The following FSCN1 variants were observed in gnomAD, a reference collection of about 807,000 sequenced individuals.
FSCN1 encodes the protein fascin actin-bundling protein 1, also known as fascin.
FSCN1 carries 10 observed loss-of-function variants against 39.7 expected under a neutral mutation model. The observed-to-expected ratio is 0.25, with a 90% CI of 0.16 to 0.43. The LOEUF is 0.43. Ranked by LOEUF, FSCN1 falls within the 20% of genes least tolerant of loss-of-function variation. The pLI is 1.00. For synonymous variants in FSCN1, 322 were observed against 320.0 expected (o/e 1.01, Z -0.07); for missense variants, 525 against 723.8 (o/e 0.73, Z 3.15).
At position 5,592,852 on chromosome 7, in the gene FSCN1, G is replaced by A. The variant is rs1380962767; in HGVS notation, c.-85G>A. The A allele has an allele frequency of 5.1e-6, 4 of 780,540 alleles. No individual in the cohort carries two copies. The highest frequency in any genetic ancestry group is 2.9e-5 in the East Asian group (1 of 34,138). The allele number at this position is 780,540 out of a possible 1,614,324, so 48.4% of individuals were successfully genotyped here. A position where few individuals can be genotyped will look rare whatever the true frequency, so the allele number is the denominator to read the frequency against. ...CGGAGGGTGCGTGCGGGCCGCGGCA[G>A]CCGAACAAAGGAGCAGGGGCGCCGC... On this transcript the variant is annotated 5_prime_UTR_variant, in exon 1 of 5. Coordinates refer to ENST00000382361, the MANE Select transcript of FSCN1 (RefSeq NM_003088.4). The surrounding 1 kb of genome is among the most constrained non-coding windows in gnomAD (Gnocchi z 5.3).
At position 5,592,855 on chromosome 7, in the gene FSCN1, G is replaced by C; in HGVS notation, c.-82G>C. The C allele has an allele frequency of 1.2e-6, 1 of 827,552 alleles. No homozygotes were observed. The allele number at this position is 827,552 out of a possible 1,614,324, so 51.3% of individuals were successfully genotyped here. Reference sequence around the variant, plus strand: ...AGGGTGCGTGCGGGCCGCGGCAGCCGAACAAAGGAGCAGGGGCGCCGCCGC... The same window carrying C: ...AGGGTGCGTGCGGGCCGCGGCAGCCCAACAAAGGAGCAGGGGCGCCGCCGC... On this transcript the variant is annotated 5_prime_UTR_variant, in exon 1 of 5. Coordinates refer to ENST00000382361, the MANE Select transcript of FSCN1 (RefSeq NM_003088.4). This position sits in a 1 kb window ranked among gnomAD's most constrained non-coding sequence, Gnocchi z 5.3.
At position 5,593,291 on chromosome 7, in the gene FSCN1, C is replaced by A. The variant is rs768500272; in HGVS notation, c.355C>A (p.Leu119Met). ...CTACTTCGGCGGCACCGAGGACCGC[C>A]TGTCCTGCTTCGCGCAGACGGTGTC... ...RRYFGGTEDR[L>M]SCFAQTVSPA... The change falls in exon 1 of 5, where the codon CTG becomes ATG. Residue 119 changes from leucine to methionine, a missense_variant. By Grantham distance (15) the Leu-to-Met change is conservative. Coordinates refer to ENST00000382361, the MANE Select transcript of FSCN1 (RefSeq NM_003088.4). The A allele has an allele frequency of 2.5e-6, 4 of 1,610,554 alleles. No individual in the cohort carries two copies. In the Admixed American group the frequency reaches 6.7e-5, roughly 27 times the overall value.
At chr7:5,601,468 G>A (rs1785831048) in intron 1 of FSCN1, among the ~76,000 whole-genome samples, 2 of 152,136 alleles carry the variant, frequency 1.3e-5, no homozygotes, top group South Asian at 4.1e-4. Context: ...TTCCCAAAGT[G>A]CTGGGATTAC....
Position 5,595,080 on chromosome 7 carries a change from T to G in FSCN1, c.832+1312T>G, listed in dbSNP as rs577073727. Among the ~76,000 whole-genome samples, 3 of 152,174 alleles carry G rather than the reference T, an allele frequency of 2.0e-5. No individual in the cohort carries two copies. The East Asian group carries it at 5.8e-4, about 29-fold the overall frequency. On this transcript the variant is annotated intron_variant, in intron 1 of 4. Transcript: ENST00000382361. ...GGGATCTTTTTCCCTGGATAGGAAG[T>G]CGGACCCCAGGCCTTGGAGATGGCT...
chr7:5,604,086 T>C, intron 4 of FSCN1, 56 bp downstream of exon 4: 1 of 1,554,460 alleles, frequency 6.4e-7, no homozygotes, highest in Non-Finnish European at 8.8e-7. Context: ...GGGGCTGGGG[T>C]CAGTGCTGCG....
intron 1 of FSCN1, among the ~76,000 whole-genome samples, chr7:5,602,573 A>C (rs989647002): frequency 2.6e-4 from 39 of 152,228 alleles, no homozygotes; most frequent in African/African-American, 9.4e-4. Context: ...TTCTAAAAAA[A>C]CGAGGCCATT....
Position 5,593,048 on chromosome 7 carries a change from A to C in FSCN1, c.112A>C (p.Ser38Arg). 6.2e-7 allele frequency: 1 copy of C among 1,602,322 alleles called. No homozygotes were observed. The highest frequency in any genetic ancestry group is 8.5e-7 in the Non-Finnish European group (1 of 1,175,326). ...AFGFKVNASASSLKKKQIWTL... is the reference protein window; with the variant it reads ...AFGFKVNASARSLKKKQIWTL... ...CGGGTTCAAGGTGAACGCGTCCGCC[A>C]GCAGCCTGAAGAAGAAGCAGATCTG... Residue 38 changes from serine (S) to arginine (R), a missense_variant, in exon 1 of 5, where the codon AGC (serine) becomes CGC (arginine). Ser to Arg is a moderately radical substitution (Grantham distance 110). Coordinates refer to ENST00000382361, the MANE Select transcript of FSCN1 (RefSeq NM_003088.4).
At chr7:5,596,141 G>A (rs1207053411) in intron 1 of FSCN1, among the ~76,000 whole-genome samples, 1 of 151,330 alleles carries the variant, frequency 6.6e-6, no homozygotes, top group Non-Finnish European at 1.5e-5. Flanking sequence ...GGGAACTGGA[G>A]TCTGCAGGGG....
Position 5,593,552 on chromosome 7 carries a change from C to T in FSCN1, c.616C>T (p.Pro206Ser). ...LRHDGRLVAR[P>S]EPATGYTLEF... ...CCACGACGGGCGCCTGGTGGCGCGC[C>T]CCGAGCCGGCCACTGGCTACACGCT... The change falls in exon 1 of 5, where the codon CCC (proline) becomes TCC (serine). Residue 206 changes from proline to serine, a missense_variant. Physicochemically the swap from Pro to Ser is moderately conservative, Grantham distance 74. This residue lies in a region of FSCN1 where 246 missense variants were observed against 350.6 expected (regional missense o/e 0.70). Coordinates refer to ENST00000382361, the MANE Select transcript of FSCN1 (RefSeq NM_003088.4). The T allele has an allele frequency of 6.3e-7, 1 of 1,587,564 alleles. No individual in the cohort carries two copies. The highest frequency in any genetic ancestry group is 2.3e-5 in the East Asian group (1 of 43,924).
At chr7:5,598,063 C>A (rs906352999) in intron 1 of FSCN1, among the ~76,000 whole-genome samples, 1 of 152,234 alleles carries the variant, frequency 6.6e-6, no homozygotes, top group African/African-American at 2.4e-5. Context: ...GGGGACGACA[C>A]CCCTTTCCCC....
intron 1 of FSCN1, among the ~76,000 whole-genome samples, chr7:5,602,664 G>T (rs1304363318): frequency 6.6e-6 from 1 of 152,060 alleles, no homozygotes; most frequent in East Asian, 1.9e-4. Context: ...CTCCTGATTG[G>T]CTCAAGAATG....
At chr7:5,601,067 G>C (rs1447953974) in intron 1 of FSCN1, among the ~76,000 whole-genome samples, 1 of 151,802 alleles carries the variant, frequency 6.6e-6, no homozygotes, top group Admixed American at 6.6e-5. Flanking sequence ...GGGATTACAG[G>C]TGTGGGCCAC....
chr7:5,593,317 C>T lies in FSCN1; in HGVS notation c.381C>T (p.Ser127=), dbSNP rs766608370. 1.2e-6 allele frequency: 2 copies of T among 1,611,362 alleles called. No homozygotes were observed. The highest frequency in any genetic ancestry group is 2.2e-5 in the South Asian group (2 of 90,992). ...DRLSCFAQTV[S]PAEKWSVHIA... ...TGTCCTGCTTCGCGCAGACGGTGTC[C>T]CCCGCCGAGAAGTGGAGCGTGCACA... The change falls in exon 1 of 5, where the codon TCC becomes TCT. Residue 127 remains serine, a synonymous_variant. Transcript: ENST00000382361.
chr7:5,602,949 A>T (rs188337812), intron 1 of FSCN1: 1 of 405,402 alleles, frequency 2.5e-6, no homozygotes, highest in Admixed American at 4.0e-5. Context: ...GACTCAAACA[A>T]TCCTCCTGCC....
intron 1 of FSCN1, among the ~76,000 whole-genome samples, chr7:5,598,398 G>A (rs1785768585): frequency 1.3e-5 from 2 of 152,232 alleles, no homozygotes; most frequent in African/African-American, 4.8e-5. Flanking sequence ...CTTGGGGGAT[G>A]AGGTTAGTGT....
In FSCN1 at chr7:5,592,921, C is replaced by G; in HGVS notation, c.-16C>G. The G allele has an allele frequency of 6.8e-7, 1 of 1,461,230 alleles. No individual in the cohort carries two copies. Among genetic ancestry groups the G allele is most frequent in the Non-Finnish European group, 9.1e-7 (1 of 1,100,012 alleles). 90.5% of individuals were successfully genotyped at this position (1,461,230 alleles called of 1,614,324 possible). ...ACCTCCCGGGGCCGCGCAGCGGCCT[C>G]TCGTCTACTGCCACCATGACCGCCA... On this transcript the variant is annotated 5_prime_UTR_variant, in exon 1 of 5. Transcript: ENST00000382361. The surrounding 1 kb of genome is among the most constrained non-coding windows in gnomAD (Gnocchi z 5.3).
In FSCN1 at chr7:5,603,698, A is replaced by G; in HGVS notation, c.1111+81A>G. The G allele has an allele frequency of 6.3e-7, 1 of 1,587,198 alleles. No individual in the cohort carries two copies. ...CATGCCGTGGTCACTTGGTAGCCCC[A>G]GCCAAGGCCTGCTCTGTGCTGGGCA... On this transcript the variant is annotated intron_variant, in intron 3 of 4. Coordinates refer to ENST00000382361, the MANE Select transcript of FSCN1 (RefSeq NM_003088.4). This position sits in a 1 kb window ranked among gnomAD's most constrained non-coding sequence, Gnocchi z 8.5.
chr7:5,599,509 C>G lies in FSCN1; in HGVS notation c.833-3748C>G, dbSNP rs1419398417. On this transcript the variant is annotated intron_variant, in intron 1 of 4. Transcript: ENST00000382361. The surrounding 1 kb of genome is among the most constrained non-coding windows in gnomAD (Gnocchi z 5.6). ...CAGATGTGGGGCTGCATGGTTGGGT[C>G]AGGATGGAACAGGATGGGGAGGCCG... is the stretch of plus-strand genomic sequence containing the variant. Among the ~76,000 whole-genome samples, 1 of 152,162 alleles carries G rather than the reference C, an allele frequency of 6.6e-6. No individual in the cohort carries two copies. Among genetic ancestry groups the G allele is most frequent in the Non-Finnish European group, 1.5e-5 (1 of 68,028 alleles).
At chr7:5,604,985 G>A (rs1489561534) in intron 4 of FSCN1, among the ~76,000 whole-genome samples, 3 of 151,558 alleles carry the variant, frequency 2.0e-5, no homozygotes, top group Non-Finnish European at 4.4e-5. Flanking sequence ...TGTTGGCAAG[G>A]CTGGCTCGAA....
Sources: gnomAD v4.1 joint callset for allele counts (sites outside exome capture counted in the v4.1 genomes callset) on GRCh38, gnomAD v4.1.1 for gene constraint, gnomAD v4.1.1 regional missense constraint, Gnocchi (gnomAD v3.1) non-coding constraint, MANE v1.5 for transcripts, NCBI Gene and HGNC (gene_info 2026-07-23, HGNC 2026-07-21) for gene names.